PPP1R12C: variants seen among roughly 807,000 people sequenced by gnomAD.
PPP1R12C encodes protein phosphatase 1 regulatory subunit 12C.
In PPP1R12C, 48 loss-of-function variants were observed where a neutral mutation model predicts 95.6. The observed-to-expected ratio is 0.50, with a 90% CI of 0.40 to 0.64. The LOEUF is 0.64. PPP1R12C is among the 30% of genes least tolerant of loss of function. The probability of loss-of-function intolerance (pLI) is 0.00; values close to 1 mark genes in which losing one functional copy is unlikely to be tolerated. For synonymous variants in PPP1R12C, 480 were observed against 460.8 expected, an observed-to-expected ratio of 1.04 and a Z score of -0.53; for missense variants, 1,057 against 1,083.3, an observed-to-expected ratio of 0.98 and a Z score of 0.34.
At chr19:55,113,842 A>C (rs1603009600) in intron 1 of PPP1R12C, 1 of 198,966 alleles carries the variant, frequency 5.0e-6, no homozygotes, top group East Asian at 1.1e-4. Context: ...CAAGGAGAGC[A>C]ATGGGCCTTT....
At chr19:55,100,187 C>T (rs749446977) in intron 4 of PPP1R12C, among the ~76,000 whole-genome samples, 1 of 152,214 alleles carries the variant, frequency 6.6e-6, no homozygotes, top group Non-Finnish European at 1.5e-5. Context: ...CCTCATCCCC[C>T]TGTCTCCTGA....
intron 1 of PPP1R12C, chr19:55,113,132 G>T: frequency 1.9e-6 from 1 of 515,590 alleles, no homozygotes; most frequent in Non-Finnish European, 3.4e-6. Flanking sequence ...ACCACCCACA[G>T]GTGGCGCTTC....
At chr19:55,094,608 C>A (rs901087310) in intron 12 of PPP1R12C, 53 bp downstream of exon 12, 4 of 1,534,624 alleles carry the variant, frequency 2.6e-6, no homozygotes, top group Admixed American at 2.0e-5. Flanking sequence ...TGCTTCACAT[C>A]GTCTCTCCCT....
chr19:55,091,210 A>C lies in PPP1R12C; in HGVS notation c.*262T>G. 1.9e-6 allele frequency: 1 copy of C among 532,788 alleles called. No homozygotes were observed. Among genetic ancestry groups the C allele is most frequent in the Admixed American group, 3.3e-5 (1 of 30,408 alleles). 33.0% of individuals were successfully genotyped at this position (532,788 alleles called of 1,614,324 possible). On this transcript the variant is annotated 3_prime_UTR_variant, in exon 22 of 22. Transcript: ENST00000263433. ...CTGATCCTTGCACTTCTTGGTCCTC[A>C]GTTCCTTCCTGGTCCCGTCTCTGGC...
In PPP1R12C at chr19:55,096,043, C is replaced by T; in HGVS notation, c.1153+8G>A. On this transcript the variant is annotated splice_region_variant and intron_variant, in intron 8 of 21. Coordinates refer to ENST00000263433, the MANE Select transcript of PPP1R12C (RefSeq NM_017607.4). ...TCGGACCCAGGAGTCCAGATTCAGG[C>T]CCCTCACCGGTGGGACCTTCTTCCC... 1.9e-6 allele frequency: 3 copies of T among 1,609,066 alleles called. No homozygotes were observed. The highest frequency in any genetic ancestry group is 2.5e-6 in the Non-Finnish European group (3 of 1,179,202).
In PPP1R12C at chr19:55,094,807, A is replaced by G. The variant is rs753533440; in HGVS notation, c.1455-9T>C. 3.2e-6 allele frequency: 5 copies of G among 1,582,982 alleles called. No individual in the cohort carries two copies. Among genetic ancestry groups the G allele is most frequent in the Non-Finnish European group, 4.3e-6 (5 of 1,167,702 alleles). On this transcript the variant is annotated splice_polypyrimidine_tract_variant and intron_variant, in intron 11 of 21. Coordinates refer to ENST00000263433, the MANE Select transcript of PPP1R12C (RefSeq NM_017607.4). ...GCTTGGTGACCTCAGACCTGCATCAATTCATTCATTCCACAAACATTACCC... is the reference window on the plus strand; with the variant it reads ...GCTTGGTGACCTCAGACCTGCATCAGTTCATTCATTCCACAAACATTACCC...
chr19:55,103,876 T>A (rs554427361), intron 3 of PPP1R12C, among the ~76,000 whole-genome samples: 1 of 151,446 alleles, frequency 6.6e-6, no homozygotes, highest in African/African-American at 2.4e-5. Context: ...CATGGCCGGG[T>A]GCAGTGGCTC....
At chr19:55,103,012 G>A (rs1422374508) in intron 4 of PPP1R12C, among the ~76,000 whole-genome samples, 5 of 152,054 alleles carry the variant, frequency 3.3e-5, no homozygotes, top group Non-Finnish European at 7.4e-5. Context: ...GACAAGCCTG[G>A]GCCACATGGT....
intron 6 of PPP1R12C, 43 bp downstream of exon 6, chr19:55,098,741 G>C (rs776310547): frequency 6.2e-7 from 1 of 1,610,504 alleles, no homozygotes; most frequent in African/African-American, 1.3e-5. Context: ...GAGCTGAGGG[G>C]ACATGGGGAG....
chr19:55,099,078 C>T lies in PPP1R12C; in HGVS notation c.749G>A (p.Gly250Asp). ...CCCGTCCCGGAGCTCTGGGTCGTAG[C>T]CAGCCTGAAGGAGCAACCTGGGGGC... ...IEVMRLLLQA[G>D]YDPELRDGDG... The change falls in exon 5 of 22, where the codon GGC becomes GAC. Residue 250 changes from glycine to aspartate, a missense_variant. Coordinates refer to ENST00000263433, the MANE Select transcript of PPP1R12C (RefSeq NM_017607.4). The T allele has an allele frequency of 6.5e-7, 1 of 1,547,920 alleles. No homozygotes were observed. Among genetic ancestry groups the T allele is most frequent in the East Asian group, 2.4e-5 (1 of 41,644 alleles).
intron 3 of PPP1R12C, among the ~76,000 whole-genome samples, 175 bp from the exon 4 acceptor site, chr19:55,103,743 T>C (rs950355031): frequency 2.0e-5 from 3 of 152,106 alleles, no homozygotes; most frequent in South Asian, 2.1e-4. Flanking sequence ...CTGTACTCCA[T>C]GCAGTCGTGT....
intron 4 of PPP1R12C, among the ~76,000 whole-genome samples, chr19:55,100,186 C>A (rs893739369): frequency 6.6e-6 from 1 of 152,246 alleles, no homozygotes; most frequent in African/African-American, 2.4e-5. Context: ...CCCTCATCCC[C>A]CTGTCTCCTG....
At chr19:55,103,027 C>A (rs11673435) in intron 4 of PPP1R12C, among the ~76,000 whole-genome samples, 1 of 151,948 alleles carries the variant, frequency 6.6e-6, no homozygotes, top group Non-Finnish European at 1.5e-5. Flanking sequence ...CATGGTGAAA[C>A]CCCATCTCTA....
At chr19:55,101,876 G>A (rs563337194) in intron 4 of PPP1R12C, among the ~76,000 whole-genome samples, 4 of 152,186 alleles carry the variant, frequency 2.6e-5, no homozygotes, top group African/African-American at 7.2e-5. Flanking sequence ...AGGCCGAAGG[G>A]ACAGCGGCCT....
chr19:55,104,160 C>CT (rs1332981949), intron 3 of PPP1R12C, among the ~76,000 whole-genome samples: 18 of 48,450 alleles, frequency 3.7e-4, no homozygotes, highest in Non-Finnish European at 2.1e-4. Flanking sequence ...GAGACTCTGT[C>CT]TAAAAAAAAA....
In PPP1R12C at chr19:55,098,590, A is replaced by T. The variant is rs1241276912; in HGVS notation, c.951+194T>A. Among the ~76,000 whole-genome samples, 3 of 152,246 alleles carry T rather than the reference A, an allele frequency of 2.0e-5. No individual in the cohort carries two copies. The East Asian group carries it at 5.8e-4, about 29-fold the overall frequency. ...CCACCAGGCAGGCAGGAAGCTCTGC[A>T]GCCCCATCTCTGTCCTGCCCCGGCT... On this transcript the variant is annotated intron_variant, in intron 6 of 21. Transcript: ENST00000263433.
rs1412153084 is a variant in PPP1R12C at position 55,093,009 on chromosome 19, A to T, written c.1825+7T>A. 2 of 1,572,836 alleles carry T rather than the reference A, an allele frequency of 1.3e-6. No homozygotes were observed. Among genetic ancestry groups the T allele is most frequent in the South Asian group, 2.4e-5 (2 of 84,518 alleles). On this transcript the variant is annotated splice_region_variant and intron_variant, in intron 15 of 21. Coordinates refer to ENST00000263433, the MANE Select transcript of PPP1R12C (RefSeq NM_017607.4). ...CTGGGAATGACCTCCCCGAGAGCAG[A>T]CCTCACCTCTCTGGGCAGGGCTGTC...
intron 11 of PPP1R12C, 95 bp from the exon 12 acceptor site, chr19:55,094,893 G>T: frequency 7.2e-7 from 1 of 1,380,144 alleles, no homozygotes; most frequent in Non-Finnish European, 1.0e-6. Context: ...AATTATCTGG[G>T]CCACAACAGA....
chr19:55,099,141 T>C, intron 4 of PPP1R12C, 46 bp from the exon 5 acceptor site: 1 of 1,464,096 alleles, frequency 6.8e-7, no homozygotes, highest in East Asian at 2.5e-5. Context: ...GCGGGGCCCT[T>C]GGCCGAGGGC....
Sources: gnomAD v4.1 joint callset for allele counts (sites outside exome capture counted in the v4.1 genomes callset) on GRCh38, gnomAD v4.1.1 for gene constraint, MANE v1.5 for transcripts, NCBI Gene and HGNC (gene_info 2026-07-23, HGNC 2026-07-21) for gene names.